Variants in CD72 observed in about 807,000 individuals in gnomAD.
The protein encoded by CD72 is CD72 molecule.
Under a neutral mutation model 50.7 loss-of-function variants are expected in CD72, and 28 were observed. That is an observed-to-expected ratio of 0.55 (90% CI 0.41 to 0.76). The LOEUF (loss-of-function observed/expected upper bound fraction) is 0.76, where lower values mean the gene tolerates loss of function less well. CD72 is among the 30% of genes least tolerant of loss of function. The pLI, the probability that CD72 is intolerant of heterozygous loss-of-function variation, is 0.00. For missense variants in CD72, 403 were observed against 420.6 expected, an observed-to-expected ratio of 0.96 and a Z score of 0.37; for synonymous variants, 176 against 171.2, an observed-to-expected ratio of 1.03 and a Z score of -0.22.
intron 7 of CD72, among the ~76,000 whole-genome samples, chr9:35,611,192 A>G (rs1038291099): frequency 2.3e-4 from 35 of 152,056 alleles, no homozygotes; most frequent in Middle Eastern, 6.8e-3. Flanking sequence ...CGGAGCTTGC[A>G]GTGAGCTGAG....
upstream of CD72, among the ~76,000 whole-genome samples, chr9:35,620,283 A>G (rs1587904576): frequency 3.3e-5 from 5 of 152,162 alleles, no homozygotes. Context: ...TGTGGCCAAC[A>G]TAGTGAAACC....
Position 35,618,358 on chromosome 9 carries a change from T to C in CD72, c.-55A>G. The stretch of plus-strand genomic sequence containing the variant: ...TTCCCTGTCATCCACTGTCCTCCCT[T>C]GCCCCTCTCGTCTCTGTCCGTTTAC... On this transcript the variant is annotated 5_prime_UTR_variant, in exon 1 of 9. Transcript: ENST00000259633. 1 of 1,610,866 alleles carries C rather than the reference T, an allele frequency of 6.2e-7. No homozygotes were observed. The highest frequency in any genetic ancestry group is 1.7e-5 in the Admixed American group (1 of 59,532).
chr9:35,624,496 G>A (rs916627252), upstream of CD72, among the ~76,000 whole-genome samples: 2 of 152,014 alleles, frequency 1.3e-5, no homozygotes, highest in African/African-American at 2.4e-5. Flanking sequence ...CCTAGCGATC[G>A]TGCCTGGCTA....
chr9:35,621,053 G>T (rs770847253), upstream of CD72, among the ~76,000 whole-genome samples: 2 of 152,144 alleles, frequency 1.3e-5, no homozygotes, highest in African/African-American at 4.8e-5. Flanking sequence ...GTGTCACTTG[G>T]GGTCTTTACA....
Position 35,616,248 on chromosome 9 carries a change from G to C in CD72, c.383C>G (p.Thr128Arg), listed in dbSNP as rs147607530. The C allele has an allele frequency of 1.1e-5, 17 of 1,613,824 alleles. No individual in the cohort carries two copies. In the African/African-American group the frequency reaches 2.0e-4, roughly 19 times the overall value. The change falls in exon 5 of 9, where the codon ACG becomes AGG. Residue 128 changes from threonine (T) to arginine (R), a missense_variant. Physicochemically the swap from Thr to Arg is moderately conservative, Grantham distance 71. Transcript: ENST00000259633. ...YLQVSQQLQQ[T>R]NRVLEVTNSS... The stretch of plus-strand genomic sequence containing the variant: ...GTTAGTGACTTCCAGAACCCTGTTC[G>C]TCTGCTGGAGCTGCTGAGACACCTG...
intron 4 of CD72, 115 bp from the exon 5 acceptor site, chr9:35,616,393 T>C (rs796985673): frequency 1.2e-5 from 11 of 907,668 alleles, no homozygotes; most frequent in African/African-American, 9.9e-5. Context: ...CAGGCTGAAA[T>C]ACAAGATTTG....
intron 1 of CD72, among the ~76,000 whole-genome samples, chr9:35,625,281 G>A (rs1306643521): frequency 1.3e-5 from 2 of 152,222 alleles, no homozygotes; most frequent in Non-Finnish European, 1.5e-5. Flanking sequence ...CTGATATGGA[G>A]AGCGTTTGAG....
rs201671184 is a variant in CD72 at position 35,616,223 on chromosome 9, G to A, written c.408C>T (p.Asn136=). The A allele has an allele frequency of 5.2e-5, 84 of 1,614,134 alleles. 1 individual carries two copies. Among genetic ancestry groups the A allele is most frequent in the South Asian group, 2.4e-4 (22 of 91,080 alleles). ...QQTNRVLEVT[N]SSLRQQLRLK... ...GGCGGAGCTGCTGCCTCAGGCTGCTGTTAGTGACTTCCAGAACCCTGTTCG... is the reference window on the plus strand; with the variant it reads ...GGCGGAGCTGCTGCCTCAGGCTGCTATTAGTGACTTCCAGAACCCTGTTCG... Residue 136 remains asparagine (N), a synonymous_variant, in exon 5 of 9, where the codon AAC becomes AAT. Coordinates refer to ENST00000259633, the MANE Select transcript of CD72 (RefSeq NM_001782.3).
chr9:35,617,108 A>G (rs760449171), intron 3 of CD72, 68 bp downstream of exon 3: 2 of 1,545,272 alleles, frequency 1.3e-6, no homozygotes, highest in African/African-American at 2.7e-5. Context: ...CGCGGGGCCC[A>G]GCGCCATCCG....
intron 4 of CD72, 137 bp downstream of exon 4, chr9:35,616,463 C>T (rs1374580406): frequency 1.1e-6 from 1 of 876,804 alleles, no homozygotes; most frequent in Non-Finnish European, 1.9e-6. Flanking sequence ...AGACAACAGC[C>T]CTGGCTGGAA....
chr9:35,624,700 C>A (rs890186471), intron 1 of CD72, among the ~76,000 whole-genome samples: 2 of 152,238 alleles, frequency 1.3e-5, no homozygotes, highest in African/African-American at 4.8e-5. Context: ...TTATGGCAAC[C>A]CTGTGGCAAG....
At chr9:35,618,797 G>C, upstream of CD72, 2 of 1,285,632 alleles carry the variant, frequency 1.6e-6, no homozygotes, top group Non-Finnish European at 2.0e-6. Flanking sequence ...GAGACTGGGG[G>C]TTCCTGGTTT....
rs1426378248 is a variant in CD72, at chr9:35,615,823, A to C, written c.688+120T>G. The C allele has an allele frequency of 6.8e-6, 5 of 739,332 alleles. No homozygotes were observed. The East Asian group carries it at 1.3e-4, about 19-fold the overall frequency. The allele number at this position is 739,332 out of a possible 1,614,324, so 45.8% of individuals were successfully genotyped here. The stretch of plus-strand genomic sequence containing the variant: ...GGCTGAACAGCTCATGTCAGCCACC[A>C]CTCTGGTTCACTGCCCCTTTCCTGA... On this transcript the variant is annotated intron_variant, in intron 5 of 8. Transcript: ENST00000259633.
chr9:35,631,869 G>C (rs1354069790), intron 1 of CD72, among the ~76,000 whole-genome samples: 1 of 151,704 alleles, frequency 6.6e-6, no homozygotes, highest in Non-Finnish European at 1.5e-5. Flanking sequence ...CTCCAGCTTG[G>C]GCTACAGAGC....
chr9:35,617,100 C>A lies in CD72; in HGVS notation c.262+76G>T, dbSNP rs868812310. The A allele has an allele frequency of 2.6e-6, 4 of 1,538,636 alleles. No homozygotes were observed. In the Admixed American group the frequency reaches 8.2e-5, roughly 32 times the overall value. ...TTATCCCGGAAGGAGCTGCACCCCG[C>A]GGGGCCCAGCGCCATCCGCAGCCGG... On this transcript the variant is annotated intron_variant, in intron 3 of 8. Coordinates refer to ENST00000259633, the MANE Select transcript of CD72 (RefSeq NM_001782.3).
At chr9:35,617,687 C>T (rs1299314614) in intron 2 of CD72, among the ~76,000 whole-genome samples, 1 of 152,144 alleles carries the variant, frequency 6.6e-6, no homozygotes, top group African/African-American at 2.4e-5. Context: ...ATCTTTCTTC[C>T]TCCCCTGGCT....
chr9:35,623,342 G>C (rs187927659), upstream of CD72, among the ~76,000 whole-genome samples: 60 of 152,286 alleles, frequency 3.9e-4, no homozygotes, highest in Non-Finnish European at 7.4e-5. Flanking sequence ...GACTCAGCAG[G>C]CTGTAAGCGC....
chr9:35,644,350 CA>C (rs74176726), intron 1 of CD72, among the ~76,000 whole-genome samples: 21,384 of 66,828 alleles, frequency 0.32, 977 homozygotes, highest in Middle Eastern at 0.36. Context: ...AACTCTGTCT[CA>C]AAAAAAAAAA....
At chr9:35,610,507 T>C (rs190560432) in intron 8 of CD72, 95 bp downstream of exon 8, 6 of 871,804 alleles carry the variant, frequency 6.9e-6, no homozygotes, top group Non-Finnish European at 6.4e-6. Flanking sequence ...AGGTACAAGT[T>C]TTCTCTCGGG....
Sources: allele counts gnomAD v4.1 joint callset (sites outside exome capture counted in the v4.1 genomes callset), GRCh38; gene constraint gnomAD v4.1.1; transcripts MANE v1.5; gene names NCBI Gene and HGNC (gene_info 2026-07-23, HGNC 2026-07-21).